The following NOSIP variants were observed in gnomAD, a reference collection of about 807,000 sequenced individuals.
NOSIP encodes nitric oxide synthase interacting protein, also known as nitric oxide synthase-interacting protein.
NOSIP carries 25 observed loss-of-function variants against 36.4 expected under a neutral mutation model. The observed-to-expected ratio is 0.69, with a 90% CI of 0.50 to 0.96. The LOEUF (loss-of-function observed/expected upper bound fraction) is 0.96, where lower values mean the gene tolerates loss of function less well. Among genes scored for constraint, NOSIP ranks in the 40% least tolerant of loss-of-function variants. The pLI is 0.00. For synonymous variants in NOSIP, 187 were observed against 179.2 expected, an observed-to-expected ratio of 1.04 and a Z score of -0.35; for missense variants, 370 against 429.0, an observed-to-expected ratio of 0.86 and a Z score of 1.21.
intron 1 of NOSIP, among the ~76,000 whole-genome samples, chr19:49,571,799 A>G (rs916978982): frequency 6.6e-6 from 1 of 152,074 alleles, no homozygotes; most frequent in Non-Finnish European, 1.5e-5. Flanking sequence ...ATCCAGGCCA[A>G]CATGGTGAAA....
intron 1 of NOSIP, among the ~76,000 whole-genome samples, chr19:49,571,667 T>C (rs865991234): frequency 5.9e-5 from 9 of 152,036 alleles, no homozygotes; most frequent in African/African-American, 2.2e-4. Flanking sequence ...CTGTCAGTTT[T>C]CCTAGGAAAG....
rs1458439514 is a variant in NOSIP, at chr19:49,555,636, ACT to A, written c.*113_*114del. The A allele has an allele frequency of 7.6e-6, 6 of 788,716 alleles. No homozygotes were observed. In the East Asian group the frequency reaches 1.0e-4, roughly 14 times the overall value. The allele number at this position is 788,716 out of a possible 1,614,324, so 48.9% of individuals were successfully genotyped here. A position where few individuals can be genotyped will look rare whatever the true frequency, so the allele number is the denominator to read the frequency against. The stretch of plus-strand genomic sequence containing the variant: ...AAACTCCAGCGTGCGCTGTAGGAGC[ACT>A]GTTTGCACGGCCCTGCATCCTCGCC... On this transcript the variant is annotated 3_prime_UTR_variant, in exon 9 of 9. Transcript: ENST00000596358.
intron 1 of NOSIP, among the ~76,000 whole-genome samples, chr19:49,578,485 G>C (rs1238234942): frequency 6.6e-6 from 1 of 151,882 alleles, no homozygotes. Flanking sequence ...AACATAATTA[G>C]CTGATCCCTG....
intron 1 of NOSIP, among the ~76,000 whole-genome samples, chr19:49,569,084 A>C (rs559725758): frequency 1.3e-5 from 2 of 151,524 alleles, no homozygotes; most frequent in African/African-American, 4.8e-5. Context: ...TACAGGTGTG[A>C]GCCCACTGCG....
At chr19:49,561,185 T>A (rs1794668763) in intron 1 of NOSIP, among the ~76,000 whole-genome samples, 1 of 152,188 alleles carries the variant, frequency 6.6e-6, no homozygotes, top group Non-Finnish European at 1.5e-5. Context: ...TAGCTAAGGC[T>A]TGACCCAATC....
chr19:49,557,157 C>T lies in NOSIP; in HGVS notation c.351G>A (p.Lys117=). ...GGGGCCGGCTCACGATAGCCGACTCCTTCTCCAGGAAGCCCCGCACATGGT... is the reference window on the plus strand; with the variant it reads ...GGGGCCGGCTCACGATAGCCGACTCTTTCTCCAGGAAGCCCCGCACATGGT... ...SQDHVRGFLE[K]ESAIVSRPLN... Residue 117 remains lysine, a synonymous_variant, in exon 5 of 9, where the codon AAG becomes AAA. Coordinates refer to ENST00000596358, the MANE Select transcript of NOSIP (RefSeq NM_001270960.2). The T allele has an allele frequency of 6.2e-7, 1 of 1,612,104 alleles. No homozygotes were observed. The highest frequency in any genetic ancestry group is 8.5e-7 in the Non-Finnish European group (1 of 1,179,352).
intron 4 of NOSIP, chr19:49,558,069 A>C: frequency 3.2e-6 from 1 of 308,350 alleles, no homozygotes; most frequent in Non-Finnish European, 4.7e-6. Context: ...TACCCATCAA[A>C]TGGCTTTGTC....
intron 1 of NOSIP, among the ~76,000 whole-genome samples, chr19:49,571,341 G>A (rs1343382826): frequency 6.6e-6 from 1 of 151,976 alleles, no homozygotes; most frequent in Non-Finnish European, 1.5e-5. Flanking sequence ...CAGAAAGCGT[G>A]AGCGCCTCCA....
intron 1 of NOSIP, among the ~76,000 whole-genome samples, chr19:49,571,396 A>G (rs966211250): frequency 1.3e-5 from 2 of 152,160 alleles, no homozygotes; most frequent in African/African-American, 2.4e-5. Context: ...ACAAACTCTG[A>G]AAGCTGAGCT....
rs1487808763 is a variant in NOSIP at position 49,570,057 on chromosome 19, C to T, written c.-1-9365G>A. Reference sequence around the variant, plus strand: ...CCAGGAGGCGGAGGTTGCAGTGAGCCGAGACTGTGCCAATGCACTCCAGCC... The same window carrying T: ...CCAGGAGGCGGAGGTTGCAGTGAGCTGAGACTGTGCCAATGCACTCCAGCC... On this transcript the variant is annotated intron_variant, in intron 1 of 8. Transcript: ENST00000596358. Among the ~76,000 whole-genome samples the T allele has an allele frequency of 2.6e-5, 4 of 151,944 alleles. No individual in the cohort carries two copies. In the East Asian group the frequency reaches 7.7e-4, roughly 29 times the overall value.
intron 1 of NOSIP, among the ~76,000 whole-genome samples, chr19:49,565,181 T>C (rs1460732822): frequency 6.6e-6 from 1 of 151,498 alleles, no homozygotes; most frequent in Non-Finnish European, 1.5e-5. Flanking sequence ...GAGTCTGAGA[T>C]GGATCACCTG....
rs1367188779 is a variant in NOSIP, at chr19:49,557,245, T to C, written c.263A>G (p.Tyr88Cys). ...KKEIARQMKA[Y>C]EKQRGTRREE... ...GCGCCGGGTGCCCCGCTGCTTCTCG[T>C]AGGCCTGCGTCGGGGAAAGTGGGCT... The change falls in exon 5 of 9, where the codon TAC becomes TGC. Residue 88 changes from tyrosine to cysteine, a missense_variant. Physicochemically the swap from Tyr to Cys is radical, Grantham distance 194. Around this residue, in one of 3 missense-constraint regions of NOSIP, gnomAD observed 315 missense variants for 331.9 expected, o/e 0.95. Coordinates refer to ENST00000596358, the MANE Select transcript of NOSIP (RefSeq NM_001270960.2). The C allele has an allele frequency of 4.4e-6, 7 of 1,583,022 alleles. No homozygotes were observed. Among genetic ancestry groups the C allele is most frequent in the South Asian group, 3.4e-5 (3 of 87,198 alleles).
chr19:49,566,262 C>T (rs2080406840), intron 1 of NOSIP, among the ~76,000 whole-genome samples: 1 of 152,106 alleles, frequency 6.6e-6, no homozygotes, highest in Non-Finnish European at 1.5e-5. Context: ...CCTCGTGATC[C>T]GCCCACCTCG....
rs1325624762 is a variant in NOSIP at position 49,557,819 on chromosome 19, TG to T, written c.259-571del. 1.1e-5 allele frequency: 11 copies of T among 987,806 alleles called. No individual in the cohort carries two copies. In the African/African-American group the frequency reaches 1.9e-4, roughly 17 times the overall value. 61.2% of individuals were successfully genotyped at this position (987,806 alleles called of 1,614,324 possible). ...CGCACAGCAGTTGCCTGGGCGGTGC[TG>T]CAGTTCCAGACCACCCTGGGCCACC... On this transcript the variant is annotated intron_variant, in intron 4 of 8. Transcript: ENST00000596358.
In NOSIP at chr19:49,555,781, C is replaced by T. The variant is rs754527587; in HGVS notation, c.876G>A (p.Ala292=). The T allele has an allele frequency of 1.2e-6, 2 of 1,613,600 alleles. No individual in the cohort carries two copies. The highest frequency in any genetic ancestry group is 4.5e-5 in the East Asian group (2 of 44,810). Reference sequence around the variant, plus strand: ...CCTGCATCACCGGCCGTGATTTCTCCGCTTGCAGCTTCACTCCGGAGCCCG... The same window carrying T: ...CCTGCATCACCGGCCGTGATTTCTCTGCTTGCAGCTTCACTCCGGAGCCCG... ...GFAGSGVKLQ[A]EKSRPVMQA Residue 292 remains alanine, a synonymous_variant, in exon 9 of 9, where the codon GCG becomes GCA. Coordinates refer to ENST00000596358, the MANE Select transcript of NOSIP (RefSeq NM_001270960.2).
intron 1 of NOSIP, among the ~76,000 whole-genome samples, chr19:49,579,946 C>T (rs960206933): frequency 6.6e-6 from 1 of 151,980 alleles, no homozygotes; most frequent in Non-Finnish European, 1.5e-5. Context: ...ACAGAATTAG[C>T]AGCACAATCA....
chr19:49,570,497 C>T (rs2080470175), intron 1 of NOSIP, among the ~76,000 whole-genome samples: 1 of 152,166 alleles, frequency 6.6e-6, no homozygotes, highest in Non-Finnish European at 1.5e-5. Context: ...GACCACGACC[C>T]TATGGAGATA....
intron 1 of NOSIP, among the ~76,000 whole-genome samples, chr19:49,575,781 T>C (rs760275027): frequency 6.6e-6 from 1 of 152,294 alleles, no homozygotes; most frequent in Non-Finnish European, 1.5e-5. Context: ...CGGAATCACA[T>C]ATAATTGTCA....
intron 1 of NOSIP, among the ~76,000 whole-genome samples, chr19:49,578,047 ACT>A (rs1222270722): frequency 3.9e-5 from 6 of 152,056 alleles, no homozygotes; most frequent in Admixed American, 3.9e-4. Context: ...TGGTTGCACA[ACT>A]CTGTCAACGT....
Sources: allele counts gnomAD v4.1 joint callset (sites outside exome capture counted in the v4.1 genomes callset), GRCh38; gene constraint gnomAD v4.1.1; regional missense constraint gnomAD v4.1.1; transcripts MANE v1.5; gene names NCBI Gene and HGNC (gene_info 2026-07-23, HGNC 2026-07-21).